The following KCNB2 variants were observed in gnomAD, a reference collection of about 807,000 sequenced individuals.
KCNB2 encodes the protein potassium voltage-gated channel subfamily B member 2.
Under a neutral mutation model 61.5 loss-of-function variants are expected in KCNB2, and 15 were observed. The observed-to-expected ratio is 0.24, with a 90% CI of 0.16 to 0.38. The LOEUF is 0.38. Ranked by LOEUF, KCNB2 falls within the 10% of genes least tolerant of loss-of-function variation. The probability of loss-of-function intolerance (pLI) is 1.00; values close to 1 mark genes in which losing one functional copy is unlikely to be tolerated. For missense variants in KCNB2, 828 were observed against 1,125.2 expected, an observed-to-expected ratio of 0.74 and a Z score of 3.78; for synonymous variants, 457 against 446.0, an observed-to-expected ratio of 1.02 and a Z score of -0.31.
At chr8:72,920,477 A>C (rs866600932) in intron 2 of KCNB2, among the ~76,000 whole-genome samples, 473 of 37,724 alleles carry the variant, frequency 0.013, 44 homozygotes, top group African/African-American at 0.018. Flanking sequence ...ATCTATCTAT[A>C]TATATATATA....
rs142823511 is a variant in KCNB2 at position 72,797,659 on chromosome 8, T to G, written c.580-138276T>G. 6.6e-3 allele frequency among the ~76,000 whole-genome samples: 1,011 copies of G among 152,370 alleles called. 3 individuals carry two copies. The highest frequency in any genetic ancestry group is 0.011 in the Non-Finnish European group (732 of 68,038). ...GGTTTAGAGCATTTTCTCATCCATCTGGGATAACCCATGCTGACAAAGCTT... is the reference window on the plus strand; with the variant it reads ...GGTTTAGAGCATTTTCTCATCCATCGGGGATAACCCATGCTGACAAAGCTT... On this transcript the variant is annotated intron_variant, in intron 2 of 2. Transcript: ENST00000523207.
At chr8:72,812,760 A>G (rs908813447) in intron 2 of KCNB2, among the ~76,000 whole-genome samples, 4 of 152,148 alleles carry the variant, frequency 2.6e-5, no homozygotes, top group African/African-American at 9.7e-5. Flanking sequence ...AAGTGTTATT[A>G]TAATGTGTGT....
At chr8:72,843,312 G>C (rs868461450) in intron 2 of KCNB2, among the ~76,000 whole-genome samples, 10 of 152,122 alleles carry the variant, frequency 6.6e-5, no homozygotes, top group Non-Finnish European at 1.2e-4. Context: ...TGTTTGTTAT[G>C]ATTTCCATTC....
chr8:72,572,560 G>A (rs1806726925), intron 2 of KCNB2, among the ~76,000 whole-genome samples: 1 of 149,510 alleles, frequency 6.7e-6, no homozygotes, highest in Non-Finnish European at 1.5e-5. Context: ...CTCTCTCTCA[G>A]GCTCTCTCTG....
chr8:72,561,399 C>T (rs867071044), intron 1 of KCNB2, among the ~76,000 whole-genome samples: 25 of 151,478 alleles, frequency 1.7e-4, no homozygotes, highest in South Asian at 2.1e-4. Flanking sequence ...TCATAATCTG[C>T]CCACCTTGGC....
rs562892925 is a variant in KCNB2 at position 72,823,226 on chromosome 8, GA to G, written c.580-112707del. 7.9e-5 allele frequency among the ~76,000 whole-genome samples: 12 copies of G among 152,298 alleles called. No homozygotes were observed. The South Asian group carries it at 2.1e-3, about 26-fold the overall frequency. Reference sequence around the variant, plus strand: ...TTTGCTAAGCATTTATGACCCAGCAGAAGCCAGAAAGAGAAAGCCACCATGA... The same window carrying G: ...TTTGCTAAGCATTTATGACCCAGCAGAGCCAGAAAGAGAAAGCCACCATGA... On this transcript the variant is annotated intron_variant, in intron 2 of 2. Transcript: ENST00000523207.
At chr8:72,852,941 A>G (rs1810144366) in intron 2 of KCNB2, among the ~76,000 whole-genome samples, 1 of 152,226 alleles carries the variant, frequency 6.6e-6, no homozygotes, top group African/African-American at 2.4e-5. Flanking sequence ...TTGCACTAGC[A>G]TATGGGTAAT....
intron 2 of KCNB2, among the ~76,000 whole-genome samples, chr8:72,759,142 C>G (rs368050094): frequency 1.2e-3 from 190 of 152,042 alleles, no homozygotes; most frequent in African/African-American, 4.2e-3. Flanking sequence ...TTAAAAAGAA[C>G]CTTGCTTATT....
intron 2 of KCNB2, among the ~76,000 whole-genome samples, chr8:72,627,998 G>C (rs1412286309): frequency 6.6e-6 from 1 of 151,546 alleles, no homozygotes; most frequent in Admixed American, 6.6e-5. Flanking sequence ...CTGTCACCCA[G>C]GCTGGAGTGC....
In KCNB2 at chr8:72,567,673, A is replaced by G. The variant is rs1806644163; in HGVS notation, c.-62A>G. On this transcript the variant is annotated 5_prime_UTR_variant, in exon 2 of 3. Coordinates refer to ENST00000523207, the MANE Select transcript of KCNB2 (RefSeq NM_004770.3). ...CAGTGGAAATGCCTGCCCCAGAGGG[A>G]TATTGCTTCAGTTGACCTCATTTTT... 1.8e-6 allele frequency: 2 copies of G among 1,104,544 alleles called. No individual in the cohort carries two copies. Among genetic ancestry groups the G allele is most frequent in the South Asian group, 3.3e-5 (2 of 60,124 alleles). The allele number at this position is 1,104,544 out of a possible 1,614,324, so 68.4% of individuals were successfully genotyped here.
rs564242558 is a variant in KCNB2 at position 72,719,723 on chromosome 8, T to G, written c.579+151410T>G. Among the ~76,000 whole-genome samples the G allele has an allele frequency of 2.0e-5, 3 of 152,230 alleles. No homozygotes were observed. The South Asian group carries it at 6.2e-4, about 32-fold the overall frequency. ...CTCACCATCTACCAGGGAGGCATCA[T>G]GAGCAGGGAGTGGCATTTGGCACTT... On this transcript the variant is annotated intron_variant, in intron 2 of 2. Coordinates refer to ENST00000523207, the MANE Select transcript of KCNB2 (RefSeq NM_004770.3).
chr8:72,795,714 G>A (rs17766409), intron 2 of KCNB2, among the ~76,000 whole-genome samples: 21,455 of 152,188 alleles, frequency 0.14, 1,826 homozygotes, highest in South Asian at 0.3. Flanking sequence ...AACTGGGAAA[G>A]GGAGCTGAGA....
intron 2 of KCNB2, among the ~76,000 whole-genome samples, chr8:72,917,625 G>A (rs1806427933): frequency 6.6e-6 from 1 of 152,110 alleles, no homozygotes; most frequent in Admixed American, 6.5e-5. Flanking sequence ...AATTGGGAAA[G>A]GAAAAAGATG....
At chr8:72,791,891 A>T (rs2128998773) in intron 2 of KCNB2, among the ~76,000 whole-genome samples, 1 of 152,354 alleles carries the variant, frequency 6.6e-6, no homozygotes, top group South Asian at 2.1e-4. Context: ...AGATTTGTCC[A>T]TGTTAAAAAT....
At chr8:72,892,263 A>G (rs1419456883) in intron 2 of KCNB2, among the ~76,000 whole-genome samples, 1 of 152,052 alleles carries the variant, frequency 6.6e-6, no homozygotes, top group Non-Finnish European at 1.5e-5. Context: ...CTACCCATGT[A>G]AGAAGGGGGA....
At chr8:72,665,355 G>A (rs1806450607) in intron 2 of KCNB2, among the ~76,000 whole-genome samples, 1 of 152,130 alleles carries the variant, frequency 6.6e-6, no homozygotes. Context: ...GGGTGGAGTT[G>A]TCATCACCTG....
chr8:72,698,584 A>G (rs1807058406), intron 2 of KCNB2, among the ~76,000 whole-genome samples: 1 of 152,112 alleles, frequency 6.6e-6, no homozygotes. Context: ...GAACAAATCC[A>G]GAGATATCAC....
intron 2 of KCNB2, among the ~76,000 whole-genome samples, chr8:72,905,797 C>A (rs1806167166): frequency 6.6e-6 from 1 of 152,240 alleles, no homozygotes; most frequent in African/African-American, 2.4e-5. Flanking sequence ...GTTGGGGAAA[C>A]TGATTATTTC....
Position 72,936,619 on chromosome 8 carries a change from G to C in KCNB2, c.1264G>C (p.Glu422Gln), listed in dbSNP as rs1322256733. The change falls in exon 3 of 3, where the codon GAG (glutamate) becomes CAG (glutamine). Residue 422 changes from glutamate to glutamine, a missense_variant. Physicochemically the swap from Glu to Gln is conservative, Grantham distance 29. This residue lies in a region of KCNB2 where 44 missense variants were observed against 167.6 expected (regional missense o/e 0.26). Coordinates refer to ENST00000523207, the MANE Select transcript of KCNB2 (RefSeq NM_004770.3). This position sits in a 1 kb window ranked among gnomAD's most constrained non-coding sequence, Gnocchi z 5.6. The part of the protein sequence containing the change: ...PIPIIVNNFS[E>Q]FYKEQKRQEK... ...CCCAATTATTGTGAACAATTTTTCTGAGTTTTACAAGGAGCAGAAACGCCA... is the reference window on the plus strand; with the variant it reads ...CCCAATTATTGTGAACAATTTTTCTCAGTTTTACAAGGAGCAGAAACGCCA... 1.2e-6 allele frequency: 2 copies of C among 1,614,012 alleles called. No homozygotes were observed. The highest frequency in any genetic ancestry group is 1.7e-6 in the Non-Finnish European group (2 of 1,180,028).
Sources: gnomAD v4.1 joint callset for allele counts (sites outside exome capture counted in the v4.1 genomes callset) on GRCh38, gnomAD v4.1.1 for gene constraint, gnomAD v4.1.1 regional missense constraint, Gnocchi (gnomAD v3.1) non-coding constraint, MANE v1.5 for transcripts, NCBI Gene and HGNC (gene_info 2026-07-23, HGNC 2026-07-21) for gene names.